Variants in CHMP6 observed in about 807,000 individuals in gnomAD.
CHMP6 encodes the protein chromatin-modifying protein 6.
Under a neutral mutation model 32.8 loss-of-function variants are expected in CHMP6, and 10 were observed. The observed-to-expected ratio is 0.30, with a 90% CI of 0.19 to 0.52. The LOEUF is 0.52. CHMP6 is among the 20% of genes least tolerant of loss of function. CHMP6 has a pLI of 0.97. For synonymous variants in CHMP6, 123 were observed against 105.8 expected (o/e 1.16, Z -1.00); for missense variants, 269 against 263.8 (o/e 1.02, Z -0.14).
At chr17:80,992,666 C>T (rs551005200) in intron 1 of CHMP6, among the ~76,000 whole-genome samples, 1 of 152,156 alleles carries the variant, frequency 6.6e-6, no homozygotes, top group African/African-American at 2.4e-5. Context: ...GACTGACCCC[C>T]CGGGGCACAG....
At chr17:80,998,084 T>C (rs1238355455) in intron 6 of CHMP6, among the ~76,000 whole-genome samples, 1 of 152,196 alleles carries the variant, frequency 6.6e-6, no homozygotes, top group East Asian at 1.9e-4. Context: ...AGCCAGGGTC[T>C]CTGGGGCACA....
intron 1 of CHMP6, among the ~76,000 whole-genome samples, chr17:80,992,527 G>T (rs961415308): frequency 4.6e-5 from 7 of 152,232 alleles, no homozygotes; most frequent in Non-Finnish European, 1.0e-4. Context: ...AAGGAAGTCT[G>T]CCCTGGTCCG....
intron 4 of CHMP6, among the ~76,000 whole-genome samples, chr17:80,996,330 AAAAAG>A (rs1022469319): frequency 1.3e-5 from 2 of 151,716 alleles, no homozygotes; most frequent in African/African-American, 2.4e-5. Context: ...AGGAAAAAAA[AAAAAG>A]AAGGCTTCCT....
Position 80,999,103 on chromosome 17 carries a change from G to T in CHMP6, c.556G>T (p.Val186Phe). The T allele has an allele frequency of 6.2e-7, 1 of 1,613,916 alleles. No individual in the cohort carries two copies. Among genetic ancestry groups the T allele is most frequent in the South Asian group, 1.1e-5 (1 of 91,062 alleles). ...CATCTCTGTTTCCTCCACAGAAAAC[G>T]TCCCTGTCAAGGCCAGGCCCAGGCA... ...EPLPEKIPEN[V>F]PVKARPRQAE... The change falls in exon 8 of 8, where the codon GTC (valine) becomes TTC (phenylalanine). Residue 186 changes from valine (V) to phenylalanine (F), a missense_variant. Coordinates refer to ENST00000325167, the MANE Select transcript of CHMP6 (RefSeq NM_024591.5).
intron 1 of CHMP6, 28 bp downstream of exon 1, chr17:80,992,009 T>A (rs924073749): frequency 1.2e-5 from 16 of 1,372,288 alleles, no homozygotes; most frequent in African/African-American, 1.5e-5. Context: ...GGGTCAGGGC[T>A]GGGGCCGGGA....
In CHMP6 at chr17:80,995,068, G is replaced by A; in HGVS notation, c.223G>A (p.Asp75Asn). Residue 75 changes from aspartate (D) to asparagine (N), a missense_variant, in exon 3 of 8, where the codon GAC becomes AAC. By Grantham distance (23) the Asp-to-Asn change is conservative. Coordinates refer to ENST00000325167, the MANE Select transcript of CHMP6 (RefSeq NM_024591.5). ...KKKRYQEQLL[D>N]RTENQISSLE... ...GAAGCGATACCAGGAGCAGCTCCTG[G>A]ACAGGACGGAGAACCAGATCAGCAG... is the stretch of plus-strand genomic sequence containing the variant. 6.2e-7 allele frequency: 1 copy of A among 1,603,188 alleles called. No homozygotes were observed. Among genetic ancestry groups the A allele is most frequent in the Non-Finnish European group, 8.5e-7 (1 of 1,176,516 alleles).
chr17:80,996,147 C>T (rs995334668), intron 4 of CHMP6, among the ~76,000 whole-genome samples: 7 of 152,086 alleles, frequency 4.6e-5, no homozygotes, highest in Non-Finnish European at 7.4e-5. Context: ...TGGTGAAACC[C>T]TGTCTCTACT....
chr17:80,991,901 C>A lies in CHMP6; in HGVS notation c.-18C>A, dbSNP rs767600103. On this transcript the variant is annotated 5_prime_UTR_variant, in exon 1 of 8. Transcript: ENST00000325167. The stretch of plus-strand genomic sequence containing the variant: ...GCGATTGGACTTGGTGGGTCCCGGG[C>A]CAGGGGCGGGCGCCGCCATGGGTAA... The A allele has an allele frequency of 9.6e-6, 14 of 1,452,470 alleles. 1 individual carries two copies. In the South Asian group the frequency reaches 1.6e-4, roughly 16 times the overall value. The allele number at this position is 1,452,470 out of a possible 1,614,324, so 90.0% of individuals were successfully genotyped here.
At position 80,999,083 on chromosome 17, in the gene CHMP6, CTG is replaced by C; in HGVS notation, c.551-13_551-12del. ...GGTCTTTGGCGTGTCATAAACATCT[CTG>C]TTTCCTCCACAGAAAACGTCCCTGT... is the stretch of plus-strand genomic sequence containing the variant. On this transcript the variant is annotated splice_polypyrimidine_tract_variant and intron_variant, in intron 7 of 7. Coordinates refer to ENST00000325167, the MANE Select transcript of CHMP6 (RefSeq NM_024591.5). 6.2e-7 allele frequency: 1 copy of C among 1,613,794 alleles called. No individual in the cohort carries two copies. Among genetic ancestry groups the C allele is most frequent in the Non-Finnish European group, 8.5e-7 (1 of 1,179,810 alleles).
At chr17:80,998,597 G>C (rs911235550) in intron 7 of CHMP6, 177 bp downstream of exon 7, 8 of 1,463,000 alleles carry the variant, frequency 5.5e-6, no homozygotes, top group Non-Finnish European at 6.3e-6. Flanking sequence ...GGGTTTCCCA[G>C]GGGTTCGGTA....
chr17:80,997,155 G>A, intron 5 of CHMP6, 83 bp downstream of exon 5: 1 of 1,601,914 alleles, frequency 6.2e-7, no homozygotes, highest in Non-Finnish European at 8.5e-7. Context: ...CCACATCCTA[G>A]AGCGGCCGCC....
chr17:80,999,249 G>A lies in CHMP6; in HGVS notation c.*96G>A. 1.4e-6 allele frequency: 2 copies of A among 1,399,164 alleles called. No individual in the cohort carries two copies. Among genetic ancestry groups the A allele is most frequent in the Non-Finnish European group, 2.0e-6 (2 of 990,162 alleles). The allele number at this position is 1,399,164 out of a possible 1,614,324, so 86.7% of individuals were successfully genotyped here. ...CCAGCCCCTGACCGGGTTCCCTGGA[G>A]CCCAGTGCGCACGGTGCTGAGCAGA... is the stretch of plus-strand genomic sequence containing the variant. On this transcript the variant is annotated 3_prime_UTR_variant, in exon 8 of 8. Transcript: ENST00000325167.
intron 6 of CHMP6, among the ~76,000 whole-genome samples, chr17:80,998,147 G>T (rs961858574): frequency 5.3e-5 from 8 of 152,200 alleles, no homozygotes; most frequent in African/African-American, 1.9e-4. Context: ...CTGTTGGGAG[G>T]AGCCTCCATG....
chr17:80,994,142 C>T (rs1207369314), intron 1 of CHMP6, among the ~76,000 whole-genome samples: 1 of 152,214 alleles, frequency 6.6e-6, no homozygotes, highest in Non-Finnish European at 1.5e-5. Context: ...TCTCGATCTC[C>T]TGACCTCGTG....
At position 80,996,996 on chromosome 17, in the gene CHMP6, C is replaced by T. The variant is rs1325783485; in HGVS notation, c.349-11C>T. On this transcript the variant is annotated splice_polypyrimidine_tract_variant and intron_variant, in intron 4 of 7. Transcript: ENST00000325167. ...GCGACAGGGGTCAACACCCATCACC[C>T]TCGTCCACAGGTGATGTCCATTGAA... The T allele has an allele frequency of 1.2e-6, 2 of 1,611,824 alleles. No individual in the cohort carries two copies. The highest frequency in any genetic ancestry group is 3.3e-5 in the Admixed American group (2 of 59,824).
At chr17:80,998,299 G>C in intron 6 of CHMP6, 67 bp from the exon 7 acceptor site, 1 of 1,573,810 alleles carries the variant, frequency 6.4e-7, no homozygotes. Context: ...GTGTCCTCTC[G>C]GGGAGGCCCA....
rs2069667927 is a variant in CHMP6 at position 80,999,508 on chromosome 17, A to G, written c.*355A>G. The G allele has an allele frequency of 4.2e-6, 1 of 235,634 alleles. No individual in the cohort carries two copies. The highest frequency in any genetic ancestry group is 8.4e-6 in the Non-Finnish European group (1 of 119,474). 14.6% of individuals were successfully genotyped at this position (235,634 alleles called of 1,614,324 possible). On this transcript the variant is annotated 3_prime_UTR_variant, in exon 8 of 8. Transcript: ENST00000325167. ...GCTCGCGCTCGTCTGTGAGGAAGAC[A>G]CCTCCAGACCTTGGGGTCCCCGCGC...
chr17:80,999,200 G>A lies in CHMP6; in HGVS notation c.*47G>A. 6.2e-7 allele frequency: 1 copy of A among 1,608,752 alleles called. No homozygotes were observed. The highest frequency in any genetic ancestry group is 8.5e-7 in the Non-Finnish European group (1 of 1,175,604). The stretch of plus-strand genomic sequence containing the variant: ...TCACGGGGATGCCCCAGGGACTGTG[G>A]CCCACAGAGAGTTTGGGTCACGGCC... On this transcript the variant is annotated 3_prime_UTR_variant, in exon 8 of 8. Coordinates refer to ENST00000325167, the MANE Select transcript of CHMP6 (RefSeq NM_024591.5).
At chr17:80,992,668 G>A (rs569327455) in intron 1 of CHMP6, among the ~76,000 whole-genome samples, 9 of 152,256 alleles carry the variant, frequency 5.9e-5, no homozygotes, top group African/African-American at 2.2e-4. Context: ...CTGACCCCCC[G>A]GGGCACAGCC....
Sources: gnomAD v4.1 joint callset for allele counts (sites outside exome capture counted in the v4.1 genomes callset) on GRCh38, gnomAD v4.1.1 for gene constraint, MANE v1.5 for transcripts, NCBI Gene and HGNC (gene_info 2026-07-23, HGNC 2026-07-21) for gene names.